Variants in MED13L observed in about 807,000 individuals in gnomAD.
MED13L encodes the protein mediator of RNA polymerase II transcription subunit 13-like.
A neutral mutation model predicts 220.9 loss-of-function variants in MED13L; 7 were observed. The ratio of observed to expected loss-of-function variants is 0.03; its 90% CI spans 0.02 to 0.06. MED13L has a LOEUF of 0.06. MED13L is among the 10% of genes least tolerant of loss of function. The probability of loss-of-function intolerance (pLI) is 1.00; values close to 1 mark genes in which losing one functional copy is unlikely to be tolerated. For missense variants in MED13L, 1,965 were observed against 2,760.5 expected, an observed-to-expected ratio of 0.71 and a Z score of 6.46; for synonymous variants, 1,011 against 1,015.2, an observed-to-expected ratio of 1.00 and a Z score of 0.08.
chr12:116,003,157 A>T, intron 13 of MED13L, 55 bp from the exon 14 acceptor site: 2 of 1,489,524 alleles, frequency 1.3e-6, no homozygotes, highest in Non-Finnish European at 1.9e-6. Flanking sequence ...GTAGGGCAGC[A>T]TTCAAATATT....
intron 2 of MED13L, among the ~76,000 whole-genome samples, chr12:116,136,795 A>T (rs1379840243): frequency 2.0e-5 from 3 of 152,208 alleles, no homozygotes; most frequent in Non-Finnish European, 4.4e-5. Flanking sequence ...AGCATAATAT[A>T]ATCAAGTGTT....
At chr12:116,266,535 A>G (rs952999733) in intron 1 of MED13L, among the ~76,000 whole-genome samples, 3 of 152,216 alleles carry the variant, frequency 2.0e-5, no homozygotes, top group Non-Finnish European at 2.9e-5. Context: ...TGCCAGGACT[A>G]TAAGTCAGAG....
intron 26 of MED13L, among the ~76,000 whole-genome samples, chr12:115,971,579 A>T (rs574027644): frequency 1.2e-3 from 189 of 152,312 alleles, no homozygotes; most frequent in Non-Finnish European, 2.1e-3. Flanking sequence ...TGACACCTAC[A>T]TCTATTGAGA....
chr12:115,983,365 A>C lies in MED13L; in HGVS notation c.4707T>G (p.Ser1569Arg). Reference sequence around the variant, plus strand: ...AACTACTTGCTGCAGGATTTGTAGAACTACTATTCGAGGTGGGATTAAATG... The same window carrying C: ...AACTACTTGCTGCAGGATTTGTAGACCTACTATTCGAGGTGGGATTAAATG... ...GSAFNPTSNS[S>R]STNPAASSSA... The change falls in exon 21 of 31, where the codon AGT becomes AGG. Residue 1569 changes from serine (S) to arginine (R), a missense_variant. Coordinates refer to ENST00000281928, the MANE Select transcript of MED13L (RefSeq NM_015335.5). The C allele has an allele frequency of 6.2e-7, 1 of 1,614,198 alleles. No homozygotes were observed. Among genetic ancestry groups the C allele is most frequent in the Non-Finnish European group, 8.5e-7 (1 of 1,180,022 alleles).
At position 116,261,463 on chromosome 12, in the gene MED13L, C is replaced by G. The variant is rs959564021; in HGVS notation, c.72+15597G>C. On this transcript the variant is annotated intron_variant, in intron 1 of 30. Coordinates refer to ENST00000281928, the MANE Select transcript of MED13L (RefSeq NM_015335.5). ...AGTGAGCCGAGATTGTGCCGCTGTA[C>G]TCCAGCCTGGGCAACAGAAACTCAG... Among the ~76,000 whole-genome samples, 6 of 149,686 alleles carry G rather than the reference C, an allele frequency of 4.0e-5. No individual in the cohort carries two copies. In the East Asian group the frequency reaches 9.8e-4, roughly 25 times the overall value.
In MED13L at chr12:115,975,320, A is replaced by T. The variant is rs1181869374; in HGVS notation, c.5589-7T>A. 2.5e-6 allele frequency: 4 copies of T among 1,614,146 alleles called. No individual in the cohort carries two copies. Among genetic ancestry groups the T allele is most frequent in the Non-Finnish European group, 3.4e-6 (4 of 1,180,014 alleles). ...TACTTTACTCCTCCGTGACCTAACAAATAAAGAAATGGGGAAGGGGAAGGG... is the reference window on the plus strand; with the variant it reads ...TACTTTACTCCTCCGTGACCTAACATATAAAGAAATGGGGAAGGGGAAGGG... On this transcript the variant is annotated splice_polypyrimidine_tract_variant and splice_region_variant and intron_variant, in intron 24 of 30. Coordinates refer to ENST00000281928, the MANE Select transcript of MED13L (RefSeq NM_015335.5).
At chr12:116,200,322 A>G (rs889966860) in intron 2 of MED13L, among the ~76,000 whole-genome samples, 1 of 152,196 alleles carries the variant, frequency 6.6e-6, no homozygotes, top group Non-Finnish European at 1.5e-5. Flanking sequence ...TACAATGTTA[A>G]CAATCTAGTG....
At chr12:115,998,522 G>C in intron 14 of MED13L, among the ~76,000 whole-genome samples, 1 of 152,170 alleles carries the variant, frequency 6.6e-6, no homozygotes, top group East Asian at 1.9e-4. Flanking sequence ...TTGGGGCCTT[G>C]GTTCCTTCAT....
intron 7 of MED13L, among the ~76,000 whole-genome samples, chr12:116,017,739 C>T (rs889915075): frequency 2.0e-5 from 3 of 152,164 alleles, no homozygotes; most frequent in South Asian, 4.1e-4. Context: ...CCTCAGCCTC[C>T]CAAGTAGCTG....
chr12:115,965,991 A>G (rs1876131193), intron 29 of MED13L, 91 bp downstream of exon 29: 1 of 1,441,984 alleles, frequency 6.9e-7, no homozygotes. Context: ...GAATAAGATT[A>G]TGGTGACTAA....
chr12:115,996,293 T>A (rs544691635), intron 16 of MED13L, among the ~76,000 whole-genome samples, 183 bp downstream of exon 16: 1 of 152,122 alleles, frequency 6.6e-6, no homozygotes, highest in South Asian at 2.1e-4. Flanking sequence ...GGTTTCACCA[T>A]GTTGGCCAGG....
rs567974038 is a variant in MED13L at position 116,073,614 on chromosome 12, G to A, written c.479+23055C>T. 3.9e-5 allele frequency among the ~76,000 whole-genome samples: 6 copies of A among 152,258 alleles called. No homozygotes were observed. The South Asian group carries it at 1.2e-3, about 32-fold the overall frequency. On this transcript the variant is annotated intron_variant, in intron 4 of 30. Transcript: ENST00000281928. ...GCTTAATTTGCTAAAGAAAAGGAGA[G>A]AACAGATAAAAGATAAACTTGGTGA...
chr12:116,122,988 C>T (rs1875227499), intron 2 of MED13L, among the ~76,000 whole-genome samples: 1 of 152,198 alleles, frequency 6.6e-6, no homozygotes, highest in Non-Finnish European at 1.5e-5. Context: ...AAATCTTGCA[C>T]AATGGCTGTT....
At chr12:116,213,169 C>A (rs190556844) in intron 2 of MED13L, among the ~76,000 whole-genome samples, 27 of 149,432 alleles carry the variant, frequency 1.8e-4, no homozygotes, top group African/African-American at 6.1e-4. Flanking sequence ...CCAAGGTTTC[C>A]TTCTCCACCA....
chr12:116,205,659 C>G (rs1183553598), intron 2 of MED13L, among the ~76,000 whole-genome samples: 1 of 151,192 alleles, frequency 6.6e-6, no homozygotes, highest in African/African-American at 2.4e-5. Context: ...GGGTTACAAA[C>G]AGAATGATTA....
intron 11 of MED13L, chr12:116,006,753 G>A (rs974855089): frequency 8.3e-6 from 3 of 361,124 alleles, no homozygotes; most frequent in South Asian, 2.7e-5. Flanking sequence ...TTGGCTTTCT[G>A]GGTCTAGGGA....
At chr12:115,992,075 G>C (rs1364290730) in intron 16 of MED13L, 118 bp from the exon 17 acceptor site, 5 of 883,018 alleles carry the variant, frequency 5.7e-6, no homozygotes, top group Non-Finnish European at 9.1e-6. Context: ...TGCTATCACT[G>C]GGATACACTG....
intron 2 of MED13L, among the ~76,000 whole-genome samples, chr12:116,217,383 A>G (rs1263325642): frequency 6.6e-6 from 1 of 152,224 alleles, no homozygotes; most frequent in Non-Finnish European, 1.5e-5. Context: ...TTAAAAAACC[A>G]TATTTCAGAC....
At chr12:116,230,734 T>C (rs1439881223) in intron 2 of MED13L, among the ~76,000 whole-genome samples, 2 of 152,198 alleles carry the variant, frequency 1.3e-5, no homozygotes, top group Admixed American at 1.3e-4. Context: ...AATTTATATA[T>C]AAAATAGTCA....
Sources: gnomAD v4.1 joint callset for allele counts (sites outside exome capture counted in the v4.1 genomes callset) on GRCh38, gnomAD v4.1.1 for gene constraint, MANE v1.5 for transcripts, NCBI Gene and HGNC (gene_info 2026-07-23, HGNC 2026-07-21) for gene names.